CDH12: variants seen among roughly 807,000 people sequenced by gnomAD.
The protein encoded by CDH12 is cadherin 12.
In CDH12, 41 loss-of-function variants were observed where a neutral mutation model predicts 74.1. That is an observed-to-expected ratio of 0.55 (90% CI 0.43 to 0.72). The LOEUF is 0.72. Among genes scored for constraint, CDH12 ranks in the 30% least tolerant of loss-of-function variants. The pLI is 0.00. For missense variants in CDH12, 945 were observed against 977.2 expected, an observed-to-expected ratio of 0.97 and a Z score of 0.44; for synonymous variants, 399 against 355.0, an observed-to-expected ratio of 1.12 and a Z score of -1.39.
intron 1 of CDH12, among the ~76,000 whole-genome samples, chr5:22,536,182 G>T (rs905318616): frequency 2.0e-5 from 3 of 152,154 alleles, no homozygotes; most frequent in Non-Finnish European, 2.9e-5. Context: ...AGTAGCAAGT[G>T]TGCTTTGGGT....
intron 1 of CDH12, among the ~76,000 whole-genome samples, chr5:22,579,938 C>T (rs1739997265): frequency 6.6e-6 from 1 of 152,278 alleles, no homozygotes; most frequent in Non-Finnish European, 1.5e-5. Flanking sequence ...ACCTCTTCCC[C>T]AGCTACCCTG....
intron 2 of CDH12, among the ~76,000 whole-genome samples, chr5:22,478,169 A>G (rs1392180090): frequency 6.6e-6 from 1 of 152,168 alleles, no homozygotes; most frequent in African/African-American, 2.4e-5. Context: ...CTGTAATCCC[A>G]GCACTTTGGG....
rs1352392829 is a variant in CDH12, at chr5:22,439,097, CCAAA to C, written c.-427-33750_-427-33747del. ...GGTTAATTTGATCATCATGGACAGGCCAAACAAAGGGAAATAATACAAAACTTGC... is the reference window on the plus strand; with the variant it reads ...GGTTAATTTGATCATCATGGACAGGCCAAAGGGAAATAATACAAAACTTGC... On this transcript the variant is annotated intron_variant, in intron 2 of 14. Coordinates refer to ENST00000382254, the MANE Select transcript of CDH12 (RefSeq NM_004061.5). Among the ~76,000 whole-genome samples the C allele has an allele frequency of 4.6e-5, 7 of 151,548 alleles. No homozygotes were observed. The East Asian group carries it at 1.4e-3, about 29-fold the overall frequency.
At chr5:21,899,987 A>G (rs1415325361) in intron 6 of CDH12, among the ~76,000 whole-genome samples, 1 of 152,116 alleles carries the variant, frequency 6.6e-6, no homozygotes, top group Non-Finnish European at 1.5e-5. Flanking sequence ...TCATATATCT[A>G]TATGGAATTT....
At chr5:22,428,382 C>A (rs188495999) in intron 2 of CDH12, among the ~76,000 whole-genome samples, 36 of 152,008 alleles carry the variant, frequency 2.4e-4, no homozygotes, top group Non-Finnish European at 3.4e-4. Flanking sequence ...CTGGAATATA[C>A]ACATGATAAA....
At chr5:22,738,749 T>A (rs1432997529) in intron 1 of CDH12, among the ~76,000 whole-genome samples, 3 of 151,990 alleles carry the variant, frequency 2.0e-5, no homozygotes, top group African/African-American at 4.8e-5. Flanking sequence ...AATTACACAA[T>A]CATAGGGACT....
chr5:21,910,001 A>ATAGCTG (rs1327746414), intron 6 of CDH12, among the ~76,000 whole-genome samples: 1 of 152,132 alleles, frequency 6.6e-6, no homozygotes, highest in Non-Finnish European at 1.5e-5. Context: ...CGGAGAGAAA[A>ATAGCTG]TAGCTGTTTT....
intron 10 of CDH12, among the ~76,000 whole-genome samples, chr5:21,799,720 C>T (rs999500549): frequency 2.0e-5 from 3 of 152,170 alleles, no homozygotes; most frequent in Admixed American, 1.3e-4. Flanking sequence ...TTCCAAATCA[C>T]CCCAACAGTG....
chr5:22,525,887 G>A (rs1450800806), intron 1 of CDH12, among the ~76,000 whole-genome samples: 1 of 152,176 alleles, frequency 6.6e-6, no homozygotes, highest in Non-Finnish European at 1.5e-5. Context: ...CTAGAATATA[G>A]TGAGGATTAC....
intron 4 of CDH12, among the ~76,000 whole-genome samples, chr5:22,093,151 C>G (rs528182576): frequency 6.6e-6 from 1 of 152,106 alleles, no homozygotes; most frequent in Non-Finnish European, 1.5e-5. Flanking sequence ...AAAGGGCTGT[C>G]GCAGCTTGGA....
intron 9 of CDH12, among the ~76,000 whole-genome samples, chr5:21,812,802 A>G (rs1276730668): frequency 6.6e-6 from 1 of 152,186 alleles, no homozygotes; most frequent in Non-Finnish European, 1.5e-5. Flanking sequence ...TAAAGATTCA[A>G]TAGATGTAGG....
At chr5:21,996,785 T>TA (rs1392481794) in intron 5 of CDH12, among the ~76,000 whole-genome samples, 2 of 152,198 alleles carry the variant, frequency 1.3e-5, no homozygotes, top group Non-Finnish European at 2.9e-5. Flanking sequence ...GTAAATGTGT[T>TA]ACCGCATTTA....
chr5:22,704,862 C>T (rs1292078663), intron 1 of CDH12, among the ~76,000 whole-genome samples: 1 of 151,774 alleles, frequency 6.6e-6, no homozygotes, highest in African/African-American at 2.4e-5. Context: ...TTTCTTTTGC[C>T]TCACATATTA....
At chr5:22,164,768 C>G (rs1445941953) in intron 4 of CDH12, among the ~76,000 whole-genome samples, 1 of 145,022 alleles carries the variant, frequency 6.9e-6, no homozygotes, top group Non-Finnish European at 1.5e-5. Flanking sequence ...TCTGATTGGA[C>G]AGCTGTGAGC....
chr5:22,506,151 C>T (rs976927940), intron 1 of CDH12, among the ~76,000 whole-genome samples: 1 of 152,086 alleles, frequency 6.6e-6, no homozygotes. Context: ...CCTTTTGTTC[C>T]TCCTTTCCAT....
chr5:22,524,400 C>T lies in CDH12; in HGVS notation c.-522-19036G>A, dbSNP rs932757853. On this transcript the variant is annotated intron_variant, in intron 1 of 14. Coordinates refer to ENST00000382254, the MANE Select transcript of CDH12 (RefSeq NM_004061.5). The stretch of plus-strand genomic sequence containing the variant: ...TCCCCAGGGGGATATAATCCCTTTC[C>T]CTTTGGAAACACCAGTTTGTGCATC... Among the ~76,000 whole-genome samples the T allele has an allele frequency of 7.2e-5, 11 of 152,222 alleles. No homozygotes were observed. In the South Asian group the frequency reaches 2.3e-3, roughly 32 times the overall value.
chr5:22,622,995 G>A (rs1402946771), intron 1 of CDH12, among the ~76,000 whole-genome samples: 1 of 152,178 alleles, frequency 6.6e-6, no homozygotes, highest in African/African-American at 2.4e-5. Context: ...CTTCATCCCT[G>A]GGATGCAAGA....
At chr5:22,846,422 G>C (rs955039605) in intron 1 of CDH12, among the ~76,000 whole-genome samples, 3 of 152,182 alleles carry the variant, frequency 2.0e-5, no homozygotes, top group Non-Finnish European at 4.4e-5. Context: ...AGAGAGATGA[G>C]TGGGCCTATG....
intron 1 of CDH12, among the ~76,000 whole-genome samples, chr5:22,596,256 G>A (rs923469246): frequency 2.0e-5 from 3 of 151,920 alleles, no homozygotes; most frequent in Non-Finnish European, 4.4e-5. Flanking sequence ...TGGCCAACAT[G>A]AGGAAACCCC....
Sources: allele counts gnomAD v4.1 joint callset (sites outside exome capture counted in the v4.1 genomes callset), GRCh38; gene constraint gnomAD v4.1.1; transcripts MANE v1.5; gene names NCBI Gene and HGNC (gene_info 2026-07-23, HGNC 2026-07-21).